ANKFN1: variants seen among roughly 807,000 people sequenced by gnomAD.
ANKFN1 encodes ankyrin repeat and fibronectin type III domain containing 1, also known as ankyrin repeat and fibronectin type-III domain-containing protein 1.
ANKFN1 carries 74 observed loss-of-function variants against 108.7 expected under a neutral mutation model. That is an observed-to-expected ratio of 0.68 (90% CI 0.56 to 0.83). The LOEUF (loss-of-function observed/expected upper bound fraction) is 0.83, where lower values mean the gene tolerates loss of function less well. Ranked by LOEUF, ANKFN1 falls within the 40% of genes least tolerant of loss-of-function variation. The pLI, the probability that ANKFN1 is intolerant of heterozygous loss-of-function variation, is 0.00. For missense variants in ANKFN1, 1,505 were observed against 1,382.3 expected, an observed-to-expected ratio of 1.09 and a Z score of -1.41; for synonymous variants, 547 against 516.2, an observed-to-expected ratio of 1.06 and a Z score of -0.81.
chr17:56,072,250 C>T (rs919650066), intron 4 of ANKFN1, among the ~76,000 whole-genome samples: 2 of 152,004 alleles, frequency 1.3e-5, no homozygotes, highest in East Asian at 3.9e-4. Flanking sequence ...AGTAAATTGG[C>T]TTCTAGTTTA....
At chr17:56,319,041 A>G (rs567041364) in intron 3 of ANKFN1, among the ~76,000 whole-genome samples, 23 of 152,240 alleles carry the variant, frequency 1.5e-4, no homozygotes, top group African/African-American at 5.3e-4. Flanking sequence ...CAATATTAAG[A>G]TTTTCTTTAC....
intron 4 of ANKFN1, among the ~76,000 whole-genome samples, chr17:56,068,015 C>T (rs1905080064): frequency 6.6e-6 from 1 of 152,096 alleles, no homozygotes; most frequent in Non-Finnish European, 1.5e-5. Context: ...TTCTGCCACT[C>T]CCTGCAGACC....
intron 6 of ANKFN1, among the ~76,000 whole-genome samples, chr17:56,360,547 C>T (rs2046489540): frequency 2.0e-5 from 3 of 152,128 alleles, no homozygotes; most frequent in Admixed American, 2.0e-4. Flanking sequence ...AAGGACAGCA[C>T]CTCTCTCATT....
chr17:56,412,868 A>G (rs974741832), intron 8 of ANKFN1, among the ~76,000 whole-genome samples: 1 of 152,226 alleles, frequency 6.6e-6, no homozygotes, highest in African/African-American at 2.4e-5. Flanking sequence ...CTATCCTATT[A>G]GTCCTGATCC....
intron 3 of ANKFN1, among the ~76,000 whole-genome samples, chr17:56,259,737 A>G (rs2043456104): frequency 6.6e-6 from 1 of 152,210 alleles, no homozygotes; most frequent in Non-Finnish European, 1.5e-5. Context: ...ATGACTCCGT[A>G]GTTAATGAAA....
At position 56,512,875 on chromosome 17, in the gene ANKFN1, T is replaced by C. The variant is rs1451277465; in HGVS notation, c.*1606T>C. On this transcript the variant is annotated 3_prime_UTR_variant, in exon 21 of 21. Coordinates refer to ENST00000682825, the MANE Select transcript of ANKFN1 (RefSeq NM_001370326.1). The stretch of plus-strand genomic sequence containing the variant: ...AAACTAAAGCCCAGAGCTCAGACTT[T>C]ATTTTTTTAAGAGATTTTATACTCA... Among the ~76,000 whole-genome samples, 2 of 152,218 alleles carry C rather than the reference T, an allele frequency of 1.3e-5. No homozygotes were observed. The highest frequency in any genetic ancestry group is 4.8e-5 in the African/African-American group (2 of 41,458).
chr17:56,240,808 T>C (rs1917527099), intron 3 of ANKFN1, among the ~76,000 whole-genome samples: 1 of 152,152 alleles, frequency 6.6e-6, no homozygotes, highest in South Asian at 2.1e-4. Flanking sequence ...ATATGTTTCT[T>C]GGTCATATTT....
chr17:56,080,790 T>C (rs563337051), intron 4 of ANKFN1, among the ~76,000 whole-genome samples: 19 of 152,366 alleles, frequency 1.2e-4, no homozygotes, highest in Non-Finnish European at 2.5e-4. Context: ...CATAGAGACA[T>C]AGAAAGTGTG....
chr17:56,312,323 C>T (rs999751901), intron 3 of ANKFN1, among the ~76,000 whole-genome samples: 5 of 152,148 alleles, frequency 3.3e-5, no homozygotes, highest in African/African-American at 1.2e-4. Context: ...TGATTTGACC[C>T]TGTCTGTGGC....
intron 1 of ANKFN1, among the ~76,000 whole-genome samples, chr17:56,210,079 T>C (rs1026645314): frequency 6.6e-6 from 1 of 151,926 alleles, no homozygotes; most frequent in African/African-American, 2.4e-5. Flanking sequence ...GATAGATAGA[T>C]AGATAGATAG....
At chr17:56,046,972 C>A (rs955142163) in intron 4 of ANKFN1, among the ~76,000 whole-genome samples, 1 of 152,024 alleles carries the variant, frequency 6.6e-6, no homozygotes, top group East Asian at 1.9e-4. Context: ...AAAGTTTTTT[C>A]TTTTCCTTTC....
At chr17:56,136,019 A>G (rs1233025778) in intron 4 of ANKFN1, among the ~76,000 whole-genome samples, 1 of 152,212 alleles carries the variant, frequency 6.6e-6, no homozygotes, top group African/African-American at 2.4e-5. Context: ...TTCATGCTCT[A>G]AGAACAATAA....
At position 56,496,442 on chromosome 17, in the gene ANKFN1, C is replaced by A. The variant is rs534193625; in HGVS notation, c.2428-2440C>A. Among the ~76,000 whole-genome samples, 16 of 152,224 alleles carry A rather than the reference C, an allele frequency of 1.1e-4. No homozygotes were observed. The South Asian group carries it at 1.5e-3, about 14-fold the overall frequency. Reference sequence around the variant, plus strand: ...ATGTATTCCCTCACAGCTCTGGAGACCAGAGGTTTGAAATTAAAGTGTTGG... The same window carrying A: ...ATGTATTCCCTCACAGCTCTGGAGAACAGAGGTTTGAAATTAAAGTGTTGG... On this transcript the variant is annotated intron_variant, in intron 19 of 20. Transcript: ENST00000682825.
At chr17:56,130,836 C>A (rs1386027075) in intron 4 of ANKFN1, among the ~76,000 whole-genome samples, 1 of 152,072 alleles carries the variant, frequency 6.6e-6, no homozygotes, top group East Asian at 1.9e-4. Flanking sequence ...AGTTTTGCCT[C>A]CAAAAGACTG....
chr17:56,503,364 G>T (rs1009344699), intron 20 of ANKFN1, among the ~76,000 whole-genome samples: 1 of 151,366 alleles, frequency 6.6e-6, no homozygotes, highest in Admixed American at 6.6e-5. Context: ...GATATCAGAA[G>T]GTGAACAAAC....
chr17:56,121,669 T>G (rs1233156657), intron 4 of ANKFN1, among the ~76,000 whole-genome samples: 1 of 152,064 alleles, frequency 6.6e-6, no homozygotes, highest in Non-Finnish European at 1.5e-5. Context: ...TATTCAGGGT[T>G]GGTAGGTTGG....
At chr17:56,099,771 G>A (rs540328799) in intron 4 of ANKFN1, among the ~76,000 whole-genome samples, 2 of 152,320 alleles carry the variant, frequency 1.3e-5, no homozygotes, top group African/African-American at 4.8e-5. Flanking sequence ...CATGGCCGGA[G>A]GGTAGGGTAA....
At chr17:56,304,167 C>T (rs1234755341) in intron 3 of ANKFN1, among the ~76,000 whole-genome samples, 1 of 152,140 alleles carries the variant, frequency 6.6e-6, no homozygotes, top group Non-Finnish European at 1.5e-5. Flanking sequence ...CTGCCCCTAC[C>T]CCCTCCTTAA....
At chr17:56,078,694 C>A (rs1004972675) in intron 4 of ANKFN1, among the ~76,000 whole-genome samples, 1 of 152,122 alleles carries the variant, frequency 6.6e-6, no homozygotes, top group Non-Finnish European at 1.5e-5. Context: ...AACACAGATA[C>A]CCTGGGCAGG....
Sources: allele counts gnomAD v4.1 joint callset (sites outside exome capture counted in the v4.1 genomes callset), GRCh38; gene constraint gnomAD v4.1.1; transcripts MANE v1.5; gene names NCBI Gene and HGNC (gene_info 2026-07-23, HGNC 2026-07-21).